TRNAU1AP: variants seen among roughly 807,000 people sequenced by gnomAD.
TRNAU1AP encodes the protein tRNA selenocysteine 1-associated protein 1.
A neutral mutation model predicts 43.3 loss-of-function variants in TRNAU1AP; 33 were observed. That is an observed-to-expected ratio of 0.76 (90% confidence interval 0.58 to 1.02). The LOEUF is 1.02. TRNAU1AP is among the 50% of genes least tolerant of loss of function. TRNAU1AP has a pLI of 0.00. For synonymous variants in TRNAU1AP, 143 were observed against 129.1 expected, an observed-to-expected ratio of 1.11 and a Z score of -0.73; for missense variants, 290 against 362.7, an observed-to-expected ratio of 0.80 and a Z score of 1.63.
chr1:28,567,622 G>A (rs1665571142), intron 6 of TRNAU1AP, among the ~76,000 whole-genome samples: 1 of 152,212 alleles, frequency 6.6e-6, no homozygotes, highest in African/African-American at 2.4e-5. Context: ...GTTGGGGATA[G>A]AGTATGATTT....
At chr1:28,577,384 G>T (rs1363043734) in intron 8 of TRNAU1AP, 116 bp from the exon 9 acceptor site, 1 of 1,167,712 alleles carries the variant, frequency 8.6e-7, no homozygotes, top group Non-Finnish European at 1.2e-6. Flanking sequence ...CTTCCTGAAA[G>T]AAACTGGCAG....
chr1:28,572,276 C>G (rs951543019), intron 8 of TRNAU1AP, among the ~76,000 whole-genome samples: 1 of 152,126 alleles, frequency 6.6e-6, no homozygotes, highest in Non-Finnish European at 1.5e-5. Flanking sequence ...TCACCGCAAC[C>G]TCCACCTGCC....
At position 28,553,151 on chromosome 1, in the gene TRNAU1AP, G is replaced by C; in HGVS notation, c.27+14G>C. ...TGGATGGGCGACGTGAGTGAGGGCA[G>C]CCGTCCGGGGTCTGAAGACAAGGAA... On this transcript the variant is annotated intron_variant, in intron 1 of 8. Transcript: ENST00000373830. 6 of 1,514,128 alleles carry C rather than the reference G, an allele frequency of 4.0e-6. No homozygotes were observed. The highest frequency in any genetic ancestry group is 5.3e-6 in the Non-Finnish European group (6 of 1,127,546). The allele number at this position is 1,514,128 out of a possible 1,614,324, so 93.8% of individuals were successfully genotyped here.
At chr1:28,558,668 C>T (rs911972751) in intron 2 of TRNAU1AP, among the ~76,000 whole-genome samples, 2 of 149,366 alleles carry the variant, frequency 1.3e-5, no homozygotes, top group Non-Finnish European at 3.0e-5. Context: ...GGGTTCACGC[C>T]ATTCTCCTGC....
At chr1:28,562,436 T>C (rs1187799685) in intron 4 of TRNAU1AP, among the ~76,000 whole-genome samples, 1 of 152,002 alleles carries the variant, frequency 6.6e-6, no homozygotes, top group Non-Finnish European at 1.5e-5. Flanking sequence ...TGAAAAAAAA[T>C]ACTAGAAACA....
intron 5 of TRNAU1AP, among the ~76,000 whole-genome samples, chr1:28,566,327 AAAAAG>A (rs1665537528): frequency 6.6e-6 from 1 of 151,082 alleles, no homozygotes; most frequent in Non-Finnish European, 1.5e-5. Context: ...AAAAAAAAAA[AAAAAG>A]AAGAGCCGGG....
Position 28,577,525 on chromosome 1 carries a change from T to A in TRNAU1AP, c.753T>A (p.Thr251=), listed in dbSNP as rs1665820306. Residue 251 remains threonine, a synonymous_variant, in exon 9 of 9, where the codon ACT becomes ACA. Transcript: ENST00000373830. ...LEDPMPQLDV[T]EANKEFMEQS... Reference sequence around the variant, plus strand: ...ACCCCATGCCACAGCTGGATGTGACTGAGGCCAACAAGGAGTTCATGGAAC... The same window carrying A: ...ACCCCATGCCACAGCTGGATGTGACAGAGGCCAACAAGGAGTTCATGGAAC... The A allele has an allele frequency of 6.2e-6, 10 of 1,613,926 alleles. No individual in the cohort carries two copies. In the South Asian group the frequency reaches 1.1e-4, roughly 18 times the overall value.
chr1:28,553,147 G>A lies in TRNAU1AP; in HGVS notation c.27+10G>A. 2.0e-6 allele frequency: 3 copies of A among 1,519,364 alleles called. No individual in the cohort carries two copies. The highest frequency in any genetic ancestry group is 5.1e-5 in the East Asian group (2 of 38,898). 94.1% of individuals were successfully genotyped at this position (1,519,364 alleles called of 1,614,324 possible). ...CCTGTGGATGGGCGACGTGAGTGAG[G>A]GCAGCCGTCCGGGGTCTGAAGACAA... On this transcript the variant is annotated intron_variant, in intron 1 of 8. Coordinates refer to ENST00000373830, the MANE Select transcript of TRNAU1AP (RefSeq NM_017846.5).
intron 6 of TRNAU1AP, among the ~76,000 whole-genome samples, chr1:28,569,806 G>A: frequency 1.5e-5 from 2 of 133,690 alleles, no homozygotes; most frequent in South Asian, 2.4e-4. Context: ...CTAACATGGT[G>A]AAACCCCGTC....
At chr1:28,556,019 A>G (rs1665254901) in intron 2 of TRNAU1AP, among the ~76,000 whole-genome samples, 1 of 151,982 alleles carries the variant, frequency 6.6e-6, no homozygotes, top group African/African-American at 2.4e-5. Context: ...ACGCCAGGCT[A>G]ATTTTTTGTA....
chr1:28,558,498 A>G (rs1035175233), intron 2 of TRNAU1AP, among the ~76,000 whole-genome samples: 10 of 150,846 alleles, frequency 6.6e-5, no homozygotes, highest in African/African-American at 2.2e-4. Context: ...CGTTCAGGCA[A>G]TTTTCCTGCC....
chr1:28,564,304 C>A (rs975277913), intron 4 of TRNAU1AP, among the ~76,000 whole-genome samples: 1 of 152,176 alleles, frequency 6.6e-6, no homozygotes, highest in South Asian at 2.1e-4. Context: ...CTAGGCTTTA[C>A]GTCCTTAGAA....
At chr1:28,570,560 G>GTT (rs199816366) in intron 6 of TRNAU1AP, among the ~76,000 whole-genome samples, 3 of 143,166 alleles carry the variant, frequency 2.1e-5, no homozygotes, top group African/African-American at 5.1e-5. Flanking sequence ...TTTTTGTTTT[G>GTT]TTTTTTTTTT....
At chr1:28,573,421 A>C (rs1665706202) in intron 8 of TRNAU1AP, among the ~76,000 whole-genome samples, 1 of 151,672 alleles carries the variant, frequency 6.6e-6, no homozygotes, top group Non-Finnish European at 1.5e-5. Context: ...AGGGTGAATC[A>C]TGAGGTTAAG....
chr1:28,571,181 G>T lies in TRNAU1AP; in HGVS notation c.536G>T (p.Arg179Leu). Residue 179 changes from arginine to leucine, a missense_variant, in exon 7 of 9, where the codon CGT (arginine) becomes CTT (leucine). Arg to Leu is a moderately radical substitution (Grantham distance 102). Around this residue, in one of 3 missense-constraint regions of TRNAU1AP, gnomAD observed 174 missense variants for 262.1 expected, o/e 0.66. Transcript: ENST00000373830. ...RLSVAIPKAS[R>L]VKPVEYSQMY... ...TGTTTCTGTCTTCATTTAAGGAGCCGTGTAAAGCCAGTGGAATATAGTCAG... is the reference window on the plus strand; with the variant it reads ...TGTTTCTGTCTTCATTTAAGGAGCCTTGTAAAGCCAGTGGAATATAGTCAG... The T allele has an allele frequency of 2.5e-6, 4 of 1,613,914 alleles. No homozygotes were observed. Among genetic ancestry groups the T allele is most frequent in the Non-Finnish European group, 3.4e-6 (4 of 1,179,854 alleles).
At chr1:28,560,919 A>G (rs780554877) in intron 3 of TRNAU1AP, 187 bp downstream of exon 3, 87 of 871,220 alleles carry the variant, frequency 1.0e-4, no homozygotes, top group Non-Finnish European at 1.3e-4. Flanking sequence ...AAGGCAACAC[A>G]GGTAGTAAAT....
intron 8 of TRNAU1AP, among the ~76,000 whole-genome samples, chr1:28,572,247 G>A (rs1665678215): frequency 6.6e-6 from 1 of 152,104 alleles, no homozygotes. Context: ...AGGCTGGAGT[G>A]CAATGGCATG....
chr1:28,567,232 A>T, intron 5 of TRNAU1AP, 62 bp from the exon 6 acceptor site: 1 of 1,564,756 alleles, frequency 6.4e-7, no homozygotes, highest in Non-Finnish European at 8.7e-7. Flanking sequence ...CTTCTTTTTC[A>T]TGTGTCCATT....
chr1:28,569,305 G>A (rs1164243893), intron 6 of TRNAU1AP, among the ~76,000 whole-genome samples: 1 of 152,148 alleles, frequency 6.6e-6, no homozygotes, highest in African/African-American at 2.4e-5. Flanking sequence ...TGAAGTGGGA[G>A]AATTGATTGA....
Sources: allele counts gnomAD v4.1 joint callset (sites outside exome capture counted in the v4.1 genomes callset), GRCh38; gene constraint gnomAD v4.1.1; regional missense constraint gnomAD v4.1.1; transcripts MANE v1.5; gene names NCBI Gene and HGNC (gene_info 2026-07-23, HGNC 2026-07-21).